The following RBMS3 variants were observed in gnomAD, a reference collection of about 807,000 sequenced individuals.
RBMS3 encodes the protein RNA binding motif single stranded interacting protein 3, also known as RNA-binding motif, single-stranded-interacting protein 3.
A neutral mutation model predicts 66.8 loss-of-function variants in RBMS3; 27 were observed. That is an observed-to-expected ratio of 0.40 (90% confidence interval 0.30 to 0.56). The LOEUF (loss-of-function observed/expected upper bound fraction) is 0.56. Ranked by LOEUF, RBMS3 falls within the 20% of genes least tolerant of loss-of-function variation. The pLI is 0.40. For missense variants in RBMS3, 513 were observed against 549.5 expected (o/e 0.93, Z 0.66); for synonymous variants, 188 against 183.0 (o/e 1.03, Z -0.22).
chr3:29,537,096 T>C (rs1415827976), intron 3 of RBMS3, among the ~76,000 whole-genome samples: 2 of 152,180 alleles, frequency 1.3e-5, no homozygotes, highest in Non-Finnish European at 2.9e-5. Context: ...TTCAAATAGA[T>C]TTGGAATGTT....
At chr3:29,605,312 G>T (rs1473381548) in intron 4 of RBMS3, among the ~76,000 whole-genome samples, 1 of 151,798 alleles carries the variant, frequency 6.6e-6, no homozygotes, top group Non-Finnish European at 1.5e-5. Context: ...CCAGCAGAAG[G>T]TTGTATACGC....
At chr3:29,412,237 A>C (rs1392861457) in intron 1 of RBMS3, among the ~76,000 whole-genome samples, 1 of 152,122 alleles carries the variant, frequency 6.6e-6, no homozygotes, top group Admixed American at 6.6e-5. Flanking sequence ...GGGTGGGTGT[A>C]TTCTCCCTGG....
intron 1 of RBMS3, among the ~76,000 whole-genome samples, chr3:29,334,006 G>A (rs62241719): frequency 0.26 from 39,808 of 152,026 alleles, 5,567 homozygotes; most frequent in Middle Eastern, 0.32. Context: ...AGGCAAAGCT[G>A]TACAATTCAT....
At chr3:29,695,482 T>C (rs1288172103) in intron 4 of RBMS3, among the ~76,000 whole-genome samples, 1 of 152,156 alleles carries the variant, frequency 6.6e-6, no homozygotes, top group African/African-American at 2.4e-5. Flanking sequence ...AATATATAGA[T>C]CCTACTTTTA....
chr3:29,422,969 G>A (rs2040810666), intron 1 of RBMS3, among the ~76,000 whole-genome samples: 1 of 152,156 alleles, frequency 6.6e-6, no homozygotes, highest in Non-Finnish European at 1.5e-5. Flanking sequence ...GGCTAATAAA[G>A]CAACAAAACT....
intron 2 of RBMS3, among the ~76,000 whole-genome samples, chr3:29,486,280 T>C (rs1233131089): frequency 6.6e-6 from 1 of 152,174 alleles, no homozygotes; most frequent in African/African-American, 2.4e-5. Flanking sequence ...TCTTGTTGTT[T>C]AAAGCATATC....
At chr3:29,555,792 T>C (rs1049504185) in intron 3 of RBMS3, among the ~76,000 whole-genome samples, 7 of 152,308 alleles carry the variant, frequency 4.6e-5, no homozygotes, top group Admixed American at 1.3e-4. Flanking sequence ...TAGACCAGGA[T>C]ACCATGCTAT....
chr3:29,989,314 T>C (rs1051280319), intron 13 of RBMS3, among the ~76,000 whole-genome samples: 1 of 152,222 alleles, frequency 6.6e-6, no homozygotes, highest in Admixed American at 6.5e-5. Context: ...GCTATGCAGA[T>C]GGTGGTAAAA....
chr3:29,930,733 T>G (rs2061098695), intron 10 of RBMS3, among the ~76,000 whole-genome samples: 1 of 151,392 alleles, frequency 6.6e-6, no homozygotes, highest in East Asian at 1.9e-4. Flanking sequence ...TTCTAATATA[T>G]ATATATATAT....
At chr3:29,679,904 ATGCCTGTCTAGCTGC>A (rs377514759) in intron 4 of RBMS3, among the ~76,000 whole-genome samples, 4,414 of 152,112 alleles carry the variant, frequency 0.029, 205 homozygotes, top group African/African-American at 0.099. Context: ...TTGTTTTAGC[ATGCCTGTCTAGCTGC>A]CCTTAAATTG....
intron 3 of RBMS3, among the ~76,000 whole-genome samples, chr3:29,555,033 T>G (rs2046303864): frequency 6.6e-6 from 1 of 152,210 alleles, no homozygotes; most frequent in Non-Finnish European, 1.5e-5. Context: ...ATTCTTTTAT[T>G]TTTTGTTCTT....
At chr3:29,780,430 C>CT (rs1446721145) in intron 6 of RBMS3, among the ~76,000 whole-genome samples, 1 of 151,720 alleles carries the variant, frequency 6.6e-6, no homozygotes, top group Non-Finnish European at 1.5e-5. Context: ...CTTGATTGCT[C>CT]TTTAACTTTT....
At chr3:29,700,581 G>T (rs767063054) in intron 4 of RBMS3, among the ~76,000 whole-genome samples, 7 of 151,944 alleles carry the variant, frequency 4.6e-5, no homozygotes, top group African/African-American at 1.7e-4. Context: ...AGACAGGCAA[G>T]AAAATTGGTA....
chr3:29,665,487 C>G (rs987771979), intron 4 of RBMS3, among the ~76,000 whole-genome samples: 2 of 152,154 alleles, frequency 1.3e-5, no homozygotes, highest in Non-Finnish European at 2.9e-5. Context: ...TTTCCAAACA[C>G]TATCTGTCTT....
At chr3:29,900,823 C>G (rs2060234417) in intron 10 of RBMS3, among the ~76,000 whole-genome samples, 1 of 151,734 alleles carries the variant, frequency 6.6e-6, no homozygotes, top group African/African-American at 2.4e-5. Context: ...AAGGAAGAAG[C>G]AGTGCTAAAT....
intron 2 of RBMS3, among the ~76,000 whole-genome samples, chr3:29,487,498 T>C (rs2043366739): frequency 1.3e-5 from 2 of 152,182 alleles, no homozygotes; most frequent in Admixed American, 6.5e-5. Flanking sequence ...TAAGTAGTAA[T>C]GTTTGAAGCT....
chr3:29,627,432 A>G (rs2049109231), intron 4 of RBMS3, among the ~76,000 whole-genome samples: 1 of 152,032 alleles, frequency 6.6e-6, no homozygotes, highest in South Asian at 2.1e-4. Context: ...TTAGCATAAC[A>G]ATCCTTGGCC....
intron 3 of RBMS3, among the ~76,000 whole-genome samples, chr3:29,563,127 G>A (rs1161311979): frequency 6.6e-6 from 1 of 152,134 alleles, no homozygotes; most frequent in Admixed American, 6.5e-5. Flanking sequence ...TAGAATAGCA[G>A]GTCATTGTAA....
chr3:29,505,803 A>G (rs943045487), intron 3 of RBMS3, among the ~76,000 whole-genome samples: 9 of 151,458 alleles, frequency 5.9e-5, no homozygotes, highest in African/African-American at 2.2e-4. Context: ...CTCCTTGGTT[A>G]AATTTAATTT....
Sources: allele counts gnomAD v4.1 joint callset (sites outside exome capture counted in the v4.1 genomes callset), GRCh38; gene constraint gnomAD v4.1.1; transcripts MANE v1.5; gene names NCBI Gene and HGNC (gene_info 2026-07-23, HGNC 2026-07-21).